The following MACROD2 variants were observed in gnomAD, a reference collection of about 807,000 sequenced individuals.
The protein encoded by MACROD2 is ADP-ribose glycohydrolase MACROD2.
Under a neutral mutation model 70.4 loss-of-function variants are expected in MACROD2, and 36 were observed. The ratio of observed to expected loss-of-function variants is 0.51; its 90% confidence interval spans 0.39 to 0.68. The LOEUF (loss-of-function observed/expected upper bound fraction) is 0.68. Ranked by LOEUF, MACROD2 falls within the 30% of genes least tolerant of loss-of-function variation. The pLI is 0.00. For missense variants in MACROD2, 496 were observed against 538.4 expected, an observed-to-expected ratio of 0.92 and a Z score of 0.78; for synonymous variants, 172 against 178.8, an observed-to-expected ratio of 0.96 and a Z score of 0.30.
Position 14,621,575 on chromosome 20 carries a change from T to A in MACROD2, c.302-63268T>A, listed in dbSNP as rs952565262. Among the ~76,000 whole-genome samples the A allele has an allele frequency of 2.2e-4, 33 of 152,140 alleles. 1 individual carries two copies. The highest frequency in any genetic ancestry group is 2.1e-3 in the Admixed American group (32 of 15,270). ...CAGGAATTTTCTGCTCAGCATAACATGGGAAATGTTGTTGCTAAGATAACT... is the reference window on the plus strand; with the variant it reads ...CAGGAATTTTCTGCTCAGCATAACAAGGGAAATGTTGTTGCTAAGATAACT... On this transcript the variant is annotated intron_variant, in intron 4 of 17. Transcript: ENST00000684519.
At chr20:15,614,363 C>T (rs1188679755) in intron 8 of MACROD2, among the ~76,000 whole-genome samples, 1 of 152,176 alleles carries the variant, frequency 6.6e-6, no homozygotes, top group Non-Finnish European at 1.5e-5. Context: ...ACTCCCATTG[C>T]TTGCTGTGTT....
rs190691160 is a variant in MACROD2 at position 15,940,848 on chromosome 20, G to A, written c.907+3304G>A. 1.9e-3 allele frequency among the ~76,000 whole-genome samples: 287 copies of A among 152,282 alleles called. 1 individual carries two copies. Among genetic ancestry groups the A allele is most frequent in the African/African-American group, 6.6e-3 (274 of 41,564 alleles). On this transcript the variant is annotated intron_variant, in intron 12 of 17. Transcript: ENST00000684519. ...TCAGAGCGAAAAGACAGAAAGTGGT[G>A]TTCACCTTAAGCAAAAATTTTGGAC...
intron 15 of MACROD2, among the ~76,000 whole-genome samples, chr20:16,015,857 A>T (rs1026813447): frequency 6.6e-6 from 1 of 152,068 alleles, no homozygotes; most frequent in African/African-American, 2.4e-5. Context: ...ATTGTATGTT[A>T]ATATTCTTTG....
intron 5 of MACROD2, among the ~76,000 whole-genome samples, chr20:15,181,835 A>G (rs1218571789): frequency 6.6e-6 from 1 of 152,184 alleles, no homozygotes; most frequent in African/African-American, 2.4e-5. Flanking sequence ...CCTCTTGGAA[A>G]TGACGGGCCT....
At chr20:14,863,436 C>T (rs544502722) in intron 5 of MACROD2, among the ~76,000 whole-genome samples, 4 of 152,162 alleles carry the variant, frequency 2.6e-5, no homozygotes, top group South Asian at 2.1e-4. Context: ...GTTGTGAACA[C>T]GACTATTTTA....
intron 5 of MACROD2, among the ~76,000 whole-genome samples, chr20:15,227,516 G>T (rs183147075): frequency 6.6e-6 from 1 of 152,066 alleles, no homozygotes; most frequent in Admixed American, 6.6e-5. Flanking sequence ...GTCATGTCCC[G>T]TTGTTCTTTC....
intron 8 of MACROD2, among the ~76,000 whole-genome samples, chr20:15,624,744 C>A (rs1368640992): frequency 2.6e-5 from 4 of 151,994 alleles, no homozygotes; most frequent in Admixed American, 2.0e-4. Context: ...TCTCTCTGGC[C>A]CTTTACAGAA....
At chr20:14,833,180 G>C (rs967419286) in intron 5 of MACROD2, among the ~76,000 whole-genome samples, 18 of 152,084 alleles carry the variant, frequency 1.2e-4, no homozygotes, top group Non-Finnish European at 2.2e-4. Flanking sequence ...CAGGTCCAAA[G>C]GATTGGATGT....
intron 3 of MACROD2, among the ~76,000 whole-genome samples, chr20:14,308,979 C>CAT (rs2082543184): frequency 2.0e-5 from 3 of 152,118 alleles, no homozygotes; most frequent in Admixed American, 1.3e-4. Flanking sequence ...TTTTCATATG[C>CAT]ATATGCCACC....
intron 3 of MACROD2, among the ~76,000 whole-genome samples, chr20:14,372,621 C>T (rs1185052595): frequency 6.6e-6 from 1 of 152,056 alleles, no homozygotes; most frequent in Non-Finnish European, 1.5e-5. Flanking sequence ...GATTCAATTC[C>T]TCTCACCGTT....
chr20:15,943,654 G>A (rs892513172), intron 12 of MACROD2, among the ~76,000 whole-genome samples: 2 of 152,060 alleles, frequency 1.3e-5, no homozygotes, highest in African/African-American at 2.4e-5. Context: ...TCTCAAAAGG[G>A]TCACCTGAGA....
chr20:15,159,771 T>C (rs903979597), intron 5 of MACROD2, among the ~76,000 whole-genome samples: 19 of 151,268 alleles, frequency 1.3e-4, no homozygotes, highest in Non-Finnish European at 1.8e-4. Flanking sequence ...CACACACGCA[T>C]GGGCACACAC....
chr20:15,536,560 A>T (rs2047877756), intron 8 of MACROD2, among the ~76,000 whole-genome samples: 2 of 152,226 alleles, frequency 1.3e-5, no homozygotes, highest in Admixed American at 6.5e-5. Flanking sequence ...ATAGGATGTT[A>T]TAAAGAATGC....
chr20:14,357,134 A>T (rs1199049417), intron 3 of MACROD2, among the ~76,000 whole-genome samples: 1 of 152,192 alleles, frequency 6.6e-6, no homozygotes. Flanking sequence ...CTATGTGAGG[A>T]GTGTTGGGCA....
At chr20:16,003,067 AACCCACCCACCC>A (rs761630895) in intron 15 of MACROD2, among the ~76,000 whole-genome samples, 1 of 137,116 alleles carries the variant, frequency 7.3e-6, no homozygotes, top group East Asian at 2.2e-4. Context: ...CAAAATAGAA[AACCCACCCACCC>A]ACCCACACAC....
At chr20:15,459,552 T>G (rs1399407445) in intron 7 of MACROD2, among the ~76,000 whole-genome samples, 1 of 152,110 alleles carries the variant, frequency 6.6e-6, no homozygotes, top group Non-Finnish European at 1.5e-5. Flanking sequence ...CAAGAAGGTT[T>G]CAGTCTTGAT....
At position 15,149,899 on chromosome 20, in the gene MACROD2, A is replaced by G. The variant is rs555630372; in HGVS notation, c.419-80041A>G. ...CTCTAAAGCTGTCTTCAAGGAATGGAAAGATGAGTGGGGAAAGGATTTAGG... is the reference window on the plus strand; with the variant it reads ...CTCTAAAGCTGTCTTCAAGGAATGGGAAGATGAGTGGGGAAAGGATTTAGG... On this transcript the variant is annotated intron_variant, in intron 5 of 17. Transcript: ENST00000684519. Among the ~76,000 whole-genome samples the G allele has an allele frequency of 6.6e-5, 10 of 152,116 alleles. No individual in the cohort carries two copies. The East Asian group carries it at 1.9e-3, about 29-fold the overall frequency.
At chr20:15,376,731 T>C (rs1390227635) in intron 6 of MACROD2, among the ~76,000 whole-genome samples, 3 of 152,118 alleles carry the variant, frequency 2.0e-5, no homozygotes, top group Non-Finnish European at 4.4e-5. Flanking sequence ...GTTTTACGGA[T>C]GAAGAAACTA....
chr20:16,037,750 CCT>C (rs2067254289), intron 15 of MACROD2, among the ~76,000 whole-genome samples: 1 of 151,852 alleles, frequency 6.6e-6, no homozygotes, highest in South Asian at 2.1e-4. Context: ...TGTTGGGTTC[CCT>C]GTCTTTTCAA....
Sources: gnomAD v4.1 joint callset for allele counts (sites outside exome capture counted in the v4.1 genomes callset) on GRCh38, gnomAD v4.1.1 for gene constraint, MANE v1.5 for transcripts, NCBI Gene and HGNC (gene_info 2026-07-23, HGNC 2026-07-21) for gene names.